SLC16A12: variants seen among roughly 807,000 people sequenced by gnomAD.
SLC16A12 encodes the protein solute carrier family 16 member 12.
SLC16A12 carries 17 observed loss-of-function variants against 42.4 expected under a neutral mutation model. The observed-to-expected ratio is 0.40, with a 90% CI of 0.27 to 0.60. The LOEUF (loss-of-function observed/expected upper bound fraction) is 0.60, where lower values mean the gene tolerates loss of function less well. SLC16A12 is among the 20% of genes least tolerant of loss of function. The probability of loss-of-function intolerance (pLI) is 0.42; values close to 1 mark genes in which losing one functional copy is unlikely to be tolerated. For missense variants in SLC16A12, 544 were observed against 623.0 expected (o/e 0.87, Z 1.35); for synonymous variants, 224 against 229.4 (o/e 0.98, Z 0.21).
At chr10:89,497,223 C>G (rs536182529) in intron 2 of SLC16A12, among the ~76,000 whole-genome samples, 1 of 152,216 alleles carries the variant, frequency 6.6e-6, no homozygotes, top group East Asian at 1.9e-4. Context: ...AAACTTAAAA[C>G]TGCTCTAAGA....
intron 3 of SLC16A12, among the ~76,000 whole-genome samples, chr10:89,447,609 T>C (rs1380603607): frequency 6.6e-6 from 1 of 152,040 alleles, no homozygotes; most frequent in Non-Finnish European, 1.5e-5. Flanking sequence ...TTTAAAGAAG[T>C]GTGTAGAGGG....
At chr10:89,541,321 T>TC (rs1472987559) in intron 2 of SLC16A12, among the ~76,000 whole-genome samples, 1 of 152,044 alleles carries the variant, frequency 6.6e-6, no homozygotes, top group Non-Finnish European at 1.5e-5. Flanking sequence ...TGAGGATGGG[T>TC]ATGGTGGCTC....
chr10:89,533,169 T>TTG (rs201097186), intron 2 of SLC16A12, among the ~76,000 whole-genome samples: 1 of 88,200 alleles, frequency 1.1e-5, no homozygotes, highest in African/African-American at 7.7e-5. Flanking sequence ...TCGTTTTTAG[T>TTG]TTTTTTTTTT....
chr10:89,462,342 G>C, intron 3 of SLC16A12, 37 bp downstream of exon 3: 22 of 1,613,286 alleles, frequency 1.4e-5, no homozygotes, highest in Non-Finnish European at 1.7e-5. Context: ...AGACAGGCCA[G>C]GTCATCTTAA....
intron 2 of SLC16A12, among the ~76,000 whole-genome samples, chr10:89,501,421 T>C (rs1220278179): frequency 6.6e-6 from 1 of 152,186 alleles, no homozygotes; most frequent in Admixed American, 6.6e-5. Flanking sequence ...AGGCCATAGT[T>C]ACCAAAACAG....
At chr10:89,448,062 G>A (rs548398362) in intron 3 of SLC16A12, among the ~76,000 whole-genome samples, 6 of 152,292 alleles carry the variant, frequency 3.9e-5, no homozygotes, top group South Asian at 4.1e-4. Flanking sequence ...AAACCAGGAC[G>A]AAGCTGAATC....
intron 7 of SLC16A12, 71 bp downstream of exon 7, chr10:89,435,989 T>G: frequency 6.3e-7 from 1 of 1,598,114 alleles, no homozygotes; most frequent in Admixed American, 1.7e-5. Flanking sequence ...ATTGACTGCA[T>G]GTGGGTTTGC....
At chr10:89,492,073 T>C (rs891050299) in intron 2 of SLC16A12, among the ~76,000 whole-genome samples, 1 of 152,196 alleles carries the variant, frequency 6.6e-6, no homozygotes, top group African/African-American at 2.4e-5. Flanking sequence ...GGAGGAAATA[T>C]TCAGAAGATG....
At position 89,439,200 on chromosome 10, in the gene SLC16A12, C is replaced by T. The variant is rs1416679399; in HGVS notation, c.449-17G>A. Reference sequence around the variant, plus strand: ...ATCCAAGACCTGAGGATAAAGAGAACTCTATGAGTGCTGAAGTACCATAAA... The same window carrying T: ...ATCCAAGACCTGAGGATAAAGAGAATTCTATGAGTGCTGAAGTACCATAAA... On this transcript the variant is annotated splice_polypyrimidine_tract_variant and intron_variant, in intron 5 of 7. Coordinates refer to ENST00000371790, the MANE Select transcript of SLC16A12 (RefSeq NM_213606.4). 1.2e-6 allele frequency: 2 copies of T among 1,610,092 alleles called. No individual in the cohort carries two copies. Among genetic ancestry groups the T allele is most frequent in the Non-Finnish European group, 1.7e-6 (2 of 1,176,746 alleles).
At position 89,474,632 on chromosome 10, in the gene SLC16A12, A is replaced by G. The variant is rs531957438; in HGVS notation, c.-46-12008T>C. ...AGCTTCTCTCTAAACAGCGCACACC[A>G]GAGTGTGGCATTCATGTCACGGAGG... On this transcript the variant is annotated intron_variant, in intron 2 of 7. Coordinates refer to ENST00000371790, the MANE Select transcript of SLC16A12 (RefSeq NM_213606.4). Among the ~76,000 whole-genome samples the G allele has an allele frequency of 3.8e-3, 585 of 152,320 alleles. 10 individuals are homozygous for G. Among genetic ancestry groups the G allele is most frequent in the South Asian group, 0.037 (178 of 4,830 alleles).
At position 89,447,640 on chromosome 10, in the gene SLC16A12, C is replaced by T. The variant is rs530166525; in HGVS notation, c.201-3781G>A. On this transcript the variant is annotated intron_variant, in intron 3 of 7. Transcript: ENST00000371790. ...GAGGGAAATTTATACCACTAAATGC[C>T]CACAAGAGAAAGCAGGAGAGATTTA... Among the ~76,000 whole-genome samples, 59 of 151,840 alleles carry T rather than the reference C, an allele frequency of 3.9e-4. No homozygotes were observed. In the South Asian group the frequency reaches 8.2e-3, roughly 21 times the overall value.
At chr10:89,473,491 G>A (rs1376138992) in intron 2 of SLC16A12, among the ~76,000 whole-genome samples, 1 of 152,066 alleles carries the variant, frequency 6.6e-6, no homozygotes, top group African/African-American at 2.4e-5. Flanking sequence ...TTATAACTTG[G>A]GAATAGGCAA....
chr10:89,462,651 A>G (rs900153982), intron 2 of SLC16A12, 27 bp from the exon 3 acceptor site: 4 of 1,518,814 alleles, frequency 2.6e-6, no homozygotes, highest in Admixed American at 2.1e-5. Flanking sequence ...GGACATATTT[A>G]TATCTTATTG....
At chr10:89,462,197 A>G (rs1403344737) in intron 3 of SLC16A12, among the ~76,000 whole-genome samples, 182 bp downstream of exon 3, 2 of 152,338 alleles carry the variant, frequency 1.3e-5, no homozygotes, top group African/African-American at 4.8e-5. Context: ...GGGACTCATA[A>G]GTGTCAGAGA....
At position 89,433,338 on chromosome 10, in the gene SLC16A12, A is replaced by G. The variant is rs756830594; in HGVS notation, c.1289-12T>C. ...ATCTACCAGCCGTCCTGTAACAAAC[A>G]ACAGCAAAATTTTATTTTTGAGTTG... On this transcript the variant is annotated splice_polypyrimidine_tract_variant and intron_variant, in intron 7 of 7. Coordinates refer to ENST00000371790, the MANE Select transcript of SLC16A12 (RefSeq NM_213606.4). 18 of 1,613,254 alleles carry G rather than the reference A, an allele frequency of 1.1e-5. No homozygotes were observed. Among genetic ancestry groups the G allele is most frequent in the Non-Finnish European group, 1.4e-5 (16 of 1,179,978 alleles).
At chr10:89,435,967 A>T (rs1841777153) in intron 7 of SLC16A12, 93 bp downstream of exon 7, 1 of 1,552,760 alleles carries the variant, frequency 6.4e-7, no homozygotes, top group African/African-American at 1.4e-5. Context: ...AACTCTCTTG[A>T]CAGTCCTTCT....
chr10:89,438,512 G>C, intron 6 of SLC16A12, 92 bp downstream of exon 6: 1 of 1,141,654 alleles, frequency 8.8e-7, no homozygotes. Context: ...ACATTATTCA[G>C]ACCTAGGTAC....
chr10:89,453,620 T>C (rs1162566391), intron 3 of SLC16A12, among the ~76,000 whole-genome samples: 1 of 152,244 alleles, frequency 6.6e-6, no homozygotes, highest in African/African-American at 2.4e-5. Context: ...CGACATAGCC[T>C]AGGTGTGCAG....
intron 2 of SLC16A12, among the ~76,000 whole-genome samples, chr10:89,512,818 C>T (rs189279813): frequency 6.6e-6 from 1 of 152,308 alleles, no homozygotes. Context: ...GTTGGAACCT[C>T]TGATTTAAAG....
Sources: gnomAD v4.1 joint callset for allele counts (sites outside exome capture counted in the v4.1 genomes callset) on GRCh38, gnomAD v4.1.1 for gene constraint, MANE v1.5 for transcripts, NCBI Gene and HGNC (gene_info 2026-07-23, HGNC 2026-07-21) for gene names.